C1orf198: variants seen among roughly 807,000 people sequenced by gnomAD.
The protein encoded by C1orf198 is uncharacterized protein C1orf198.
Under a neutral mutation model 31.4 loss-of-function variants are expected in C1orf198, and 17 were observed. The observed-to-expected ratio is 0.54, with a 90% CI of 0.37 to 0.81. The LOEUF is 0.81. C1orf198 is among the 40% of genes least tolerant of loss of function. The pLI, the probability that C1orf198 is intolerant of heterozygous loss-of-function variation, is 0.00. For missense variants in C1orf198, 401 were observed against 450.3 expected (o/e 0.89, Z 0.99); for synonymous variants, 175 against 193.8 (o/e 0.90, Z 0.81).
At chr1:230,848,471 C>T (rs1669649544) in intron 2 of C1orf198, among the ~76,000 whole-genome samples, 1 of 152,076 alleles carries the variant, frequency 6.6e-6, no homozygotes, top group Non-Finnish European at 1.5e-5. Flanking sequence ...AGTGTTTGCT[C>T]TAGTGTTCAA....
intron 1 of C1orf198, among the ~76,000 whole-genome samples, chr1:230,867,857 T>C (rs1424181626): frequency 6.6e-6 from 1 of 152,134 alleles, no homozygotes; most frequent in Non-Finnish European, 1.5e-5. Context: ...TGGTTTAAAA[T>C]TGCTTGTTGT....
chr1:230,868,683 C>T, upstream of C1orf198: 1 of 381,328 alleles, frequency 2.6e-6, no homozygotes, highest in Non-Finnish European at 3.7e-6. Flanking sequence ...CCCGGCCCTC[C>T]GTGGCCCCCT....
At chr1:230,861,710 G>A (rs1019297699) in intron 1 of C1orf198, among the ~76,000 whole-genome samples, 2 of 152,190 alleles carry the variant, frequency 1.3e-5, no homozygotes, top group Non-Finnish European at 2.9e-5. Context: ...AAGTGTTTCT[G>A]GTGTGTGGAT....
chr1:230,861,130 T>C (rs1669995740), intron 1 of C1orf198, among the ~76,000 whole-genome samples: 1 of 152,176 alleles, frequency 6.6e-6, no homozygotes, highest in East Asian at 1.9e-4. Flanking sequence ...ATCCCCTCTG[T>C]ATGATACCAT....
intron 1 of C1orf198, among the ~76,000 whole-genome samples, chr1:230,860,987 G>T (rs1273475808): frequency 3.3e-5 from 5 of 152,154 alleles, no homozygotes. Context: ...GCTACATATT[G>T]TATGATTCCA....
At position 230,843,063 on chromosome 1, in the gene C1orf198, C is replaced by G. The variant is rs1245598566; in HGVS notation, c.927+291G>C. On this transcript the variant is annotated intron_variant, in intron 3 of 3. Transcript: ENST00000366663. The surrounding 1 kb of genome is among the most constrained non-coding windows in gnomAD (Gnocchi z 4.9). ...GTGACAGCCCTGGGCGCAGCGCCTT[C>G]CAGGGGCCTCTTCTGATAGCAGCCC... Among the ~76,000 whole-genome samples, 1 of 152,254 alleles carries G rather than the reference C, an allele frequency of 6.6e-6. No homozygotes were observed. Among genetic ancestry groups the G allele is most frequent in the East Asian group, 1.9e-4 (1 of 5,192 alleles).
chr1:230,855,770 A>C, intron 1 of C1orf198, 52 bp from the exon 2 acceptor site: 2 of 1,605,152 alleles, frequency 1.2e-6, no homozygotes, highest in South Asian at 2.2e-5. Flanking sequence ...GACATACCCC[A>C]TGCAAATATC....
In C1orf198 at chr1:230,854,966, C is replaced by T. The variant is rs540382189; in HGVS notation, c.384+702G>A. 1.3e-4 allele frequency among the ~76,000 whole-genome samples: 20 copies of T among 152,300 alleles called. No homozygotes were observed. The East Asian group carries it at 3.3e-3, about 25-fold the overall frequency. On this transcript the variant is annotated intron_variant, in intron 2 of 3. Transcript: ENST00000366663. ...CTCTGTCTGTAACACACTCTCATGA[C>T]GTAAAGAACCCTCCAACACACATCA...
chr1:230,847,390 T>C (rs958360626), intron 2 of C1orf198, among the ~76,000 whole-genome samples: 1 of 152,182 alleles, frequency 6.6e-6, no homozygotes, highest in African/African-American at 2.4e-5. Context: ...GTTTCTAAAT[T>C]ATTATTATTT....
intron 1 of C1orf198, among the ~76,000 whole-genome samples, chr1:230,863,962 T>A (rs1412287317): frequency 2.0e-5 from 3 of 152,186 alleles, no homozygotes; most frequent in South Asian, 2.1e-4. Flanking sequence ...TCCTTTTTTT[T>A]ATTTTTATTT....
At chr1:230,842,043 C>G (rs1373376243) in intron 3 of C1orf198, among the ~76,000 whole-genome samples, 1 of 152,158 alleles carries the variant, frequency 6.6e-6, no homozygotes, top group Non-Finnish European at 1.5e-5. Flanking sequence ...AGGGTAAATA[C>G]TATATGGTGC....
chr1:230,852,328 T>G (rs1669767841), intron 2 of C1orf198, among the ~76,000 whole-genome samples: 1 of 148,224 alleles, frequency 6.7e-6, no homozygotes, highest in African/African-American at 2.5e-5. Flanking sequence ...ACAATAAATA[T>G]CTACTGGAAA....
intron 1 of C1orf198, among the ~76,000 whole-genome samples, chr1:230,864,765 C>T (rs964410146): frequency 6.6e-6 from 1 of 152,094 alleles, no homozygotes; most frequent in Non-Finnish European, 1.5e-5. Context: ...TATCACAGAA[C>T]GCAGAACCCT....
intron 1 of C1orf198, among the ~76,000 whole-genome samples, chr1:230,866,296 A>G (rs1258575908): frequency 6.6e-6 from 1 of 152,206 alleles, no homozygotes; most frequent in Non-Finnish European, 1.5e-5. Context: ...CTCTGTTAAA[A>G]TTCAGGGTCT....
At chr1:230,848,681 GA>G (rs1318079258) in intron 2 of C1orf198, among the ~76,000 whole-genome samples, 1 of 151,788 alleles carries the variant, frequency 6.6e-6, no homozygotes, top group South Asian at 2.1e-4. Context: ...ATTGTATATC[GA>G]AAAAAAACCT....
intron 1 of C1orf198, among the ~76,000 whole-genome samples, chr1:230,864,717 C>T (rs1007044903): frequency 6.6e-6 from 1 of 152,128 alleles, no homozygotes; most frequent in Non-Finnish European, 1.5e-5. Flanking sequence ...CAAAGCTCCC[C>T]CAGTCATCTG....
chr1:230,855,923 G>C (rs1572135837), intron 1 of C1orf198: 3 of 1,343,644 alleles, frequency 2.2e-6, no homozygotes, highest in Middle Eastern at 2.0e-4. Context: ...GAGGCTGCCA[G>C]ACACTCCCCT....
At chr1:230,842,456 T>C (rs1669465910) in intron 3 of C1orf198, among the ~76,000 whole-genome samples, 1 of 152,240 alleles carries the variant, frequency 6.6e-6, no homozygotes, top group Admixed American at 6.5e-5. Context: ...CTGGATGTAA[T>C]TGGAGACTAT....
chr1:230,852,042 A>G (rs1669760679), intron 2 of C1orf198, among the ~76,000 whole-genome samples: 1 of 152,230 alleles, frequency 6.6e-6, no homozygotes. Flanking sequence ...CAGGGGATGG[A>G]GAAGTCAGAG....
Sources: gnomAD v4.1 joint callset for allele counts (sites outside exome capture counted in the v4.1 genomes callset) on GRCh38, gnomAD v4.1.1 for gene constraint, Gnocchi (gnomAD v3.1) non-coding constraint, MANE v1.5 for transcripts, NCBI Gene and HGNC (gene_info 2026-07-23, HGNC 2026-07-21) for gene names.